The following TUSC3 variants were observed in gnomAD, a reference collection of about 807,000 sequenced individuals.
TUSC3 encodes tumor suppressor candidate 3.
In TUSC3, 45 loss-of-function variants were observed where a neutral mutation model predicts 44.8. The ratio of observed to expected loss-of-function variants is 1.00; its 90% confidence interval spans 0.79 to 1.29. TUSC3 has a LOEUF of 1.29. Ranked by LOEUF, TUSC3 falls within the 50% of genes most tolerant of loss-of-function variation. TUSC3 has a pLI of 0.00. For synonymous variants in TUSC3, 212 were observed against 152.9 expected, an observed-to-expected ratio of 1.39 and a Z score of -2.85; for missense variants, 519 against 437.9, an observed-to-expected ratio of 1.19 and a Z score of -1.65.
At chr8:15,752,760 G>A (rs754784006) in intron 9 of TUSC3, among the ~76,000 whole-genome samples, 7 of 152,026 alleles carry the variant, frequency 4.6e-5, no homozygotes, top group Non-Finnish European at 1.0e-4. Context: ...CAGAATCAAA[G>A]TTGAAAATAA....
At chr8:15,662,849 C>G (rs935021270) in intron 5 of TUSC3, among the ~76,000 whole-genome samples, 5 of 151,900 alleles carry the variant, frequency 3.3e-5, no homozygotes, top group African/African-American at 1.2e-4. Context: ...GGAGAGAAAC[C>G]TAACCTAGAG....
intron 8 of TUSC3, among the ~76,000 whole-genome samples, chr8:15,745,755 C>G (rs1563202246): frequency 6.6e-6 from 1 of 151,626 alleles, no homozygotes; most frequent in African/African-American, 2.4e-5. Context: ...TCTGTTTACT[C>G]TGTCTTGTTG....
At chr8:15,779,779 T>C in the TUSC3 span, among the ~76,000 whole-genome samples, 1 of 152,200 alleles carries the variant, frequency 6.6e-6, no homozygotes, top group Admixed American at 6.5e-5. Context: ...TAAATCCAGA[T>C]TCCTAGAGGA....
chr8:15,540,618 TG>T (rs1801651252), intron 1 of TUSC3, 50 bp downstream of exon 1: 1 of 1,482,642 alleles, frequency 6.7e-7, no homozygotes, highest in Non-Finnish European at 9.0e-7. Flanking sequence ...CGGGCCAGGG[TG>T]GGCCGCGTTG....
rs562555802 is a variant in TUSC3 at position 15,548,133 on chromosome 8, G to A, written c.138+7565G>A. Among the ~76,000 whole-genome samples, 41 of 151,592 alleles carry A rather than the reference G, an allele frequency of 2.7e-4. No homozygotes were observed. The South Asian group carries it at 6.5e-3, about 24-fold the overall frequency. On this transcript the variant is annotated intron_variant, in intron 1 of 10. Transcript: ENST00000503731. Reference sequence around the variant, plus strand: ...CCAGACCTGTGAGAAATAAATTTCCGTTGCCCCCTAGTTTATGGTAATTTG... The same window carrying A: ...CCAGACCTGTGAGAAATAAATTTCCATTGCCCCCTAGTTTATGGTAATTTG...
At chr8:15,646,474 T>A (rs898535582) in intron 2 of TUSC3, among the ~76,000 whole-genome samples, 1 of 152,104 alleles carries the variant, frequency 6.6e-6, no homozygotes, top group Non-Finnish European at 1.5e-5. Context: ...TAATATGGAA[T>A]ACAGAGTTTG....
intron 2 of TUSC3, among the ~76,000 whole-genome samples, chr8:15,649,992 T>C (rs1218930964): frequency 6.6e-6 from 1 of 152,212 alleles, no homozygotes; most frequent in Admixed American, 6.5e-5. Context: ...ATGCCATTTT[T>C]CTGTTTCTTC....
chr8:15,608,874 AT>A (rs1804645075), intron 1 of TUSC3, among the ~76,000 whole-genome samples: 1 of 152,212 alleles, frequency 6.6e-6, no homozygotes, highest in Non-Finnish European at 1.5e-5. Flanking sequence ...AAACTGACTA[AT>A]ACATATACCT....
the TUSC3 span, among the ~76,000 whole-genome samples, chr8:15,796,041 C>A: frequency 6.6e-6 from 1 of 151,562 alleles, no homozygotes; most frequent in Non-Finnish European, 1.5e-5. Flanking sequence ...AACAATGTGG[C>A]CTTACCCTCA....
chr8:15,480,442 C>T (rs1328915241), intron 1 of TUSC3, among the ~76,000 whole-genome samples: 1 of 152,196 alleles, frequency 6.6e-6, no homozygotes, highest in African/African-American at 2.4e-5. Context: ...GTGGTTTAAA[C>T]AACAGATATG....
chr8:15,504,273 T>C (rs1332051609), intron 2 of TUSC3, among the ~76,000 whole-genome samples: 2 of 152,004 alleles, frequency 1.3e-5, no homozygotes, highest in Non-Finnish European at 2.9e-5. Context: ...CTGGAGATCC[T>C]ACCTCATAGA....
intron 5 of TUSC3, among the ~76,000 whole-genome samples, chr8:15,668,458 A>G (rs1807779428): frequency 6.6e-6 from 1 of 151,782 alleles, no homozygotes; most frequent in African/African-American, 2.4e-5. Flanking sequence ...ATCAAAATCT[A>G]TGAAGAACCA....
At chr8:15,763,928 A>G (rs1812251348) in intron 10 of TUSC3, among the ~76,000 whole-genome samples, 1 of 152,054 alleles carries the variant, frequency 6.6e-6, no homozygotes, top group South Asian at 2.1e-4. Context: ...CTGCTGTTCT[A>G]GCCAGCAATG....
At chr8:15,823,050 C>G in the TUSC3 span, among the ~76,000 whole-genome samples, 2 of 152,104 alleles carry the variant, frequency 1.3e-5, no homozygotes, top group Non-Finnish European at 2.9e-5. Context: ...AGAGGACAAG[C>G]AGATCAACCA....
At chr8:15,819,760 G>A in the TUSC3 span, among the ~76,000 whole-genome samples, 1 of 152,164 alleles carries the variant, frequency 6.6e-6, no homozygotes, top group African/African-American at 2.4e-5. Flanking sequence ...GGTTACAGAA[G>A]CTACTGTGAT....
At chr8:15,720,070 C>A (rs148419463) in intron 6 of TUSC3, among the ~76,000 whole-genome samples, 1 of 151,946 alleles carries the variant, frequency 6.6e-6, no homozygotes, top group Admixed American at 6.6e-5. Flanking sequence ...AGGCACTTGC[C>A]ACCACACTCA....
At chr8:15,544,142 A>C (rs1363922026) in intron 1 of TUSC3, among the ~76,000 whole-genome samples, 2 of 152,104 alleles carry the variant, frequency 1.3e-5, no homozygotes, top group African/African-American at 2.4e-5. Flanking sequence ...TTGAATCCTC[A>C]CTGATGTTAA....
intron 2 of TUSC3, among the ~76,000 whole-genome samples, chr8:15,490,322 G>C (rs1448076721): frequency 6.6e-6 from 1 of 152,116 alleles, no homozygotes; most frequent in Admixed American, 6.5e-5. Flanking sequence ...ATTGTCTTTT[G>C]GGAGCTGAGT....
At chr8:15,677,283 AG>A (rs1808233749) in intron 6 of TUSC3, among the ~76,000 whole-genome samples, 1 of 152,150 alleles carries the variant, frequency 6.6e-6, no homozygotes, top group South Asian at 2.1e-4. Flanking sequence ...TACAGGCCTG[AG>A]CCACTGTGCC....
Sources: gnomAD v4.1 joint callset for allele counts (sites outside exome capture counted in the v4.1 genomes callset) on GRCh38, gnomAD v4.1.1 for gene constraint, MANE v1.5 for transcripts, NCBI Gene and HGNC (gene_info 2026-07-23, HGNC 2026-07-21) for gene names.